Variants in ZNF438 observed in about 807,000 individuals in gnomAD.
The protein encoded by ZNF438 is zinc finger protein 438.
A neutral mutation model predicts 38.0 loss-of-function variants in ZNF438; 25 were observed. The observed-to-expected ratio is 0.66, with a 90% CI of 0.48 to 0.92. The LOEUF is 0.92. Ranked by LOEUF, ZNF438 falls within the 40% of genes least tolerant of loss-of-function variation. ZNF438 has a pLI of 0.00. For synonymous variants in ZNF438, 372 were observed against 364.1 expected, an observed-to-expected ratio of 1.02 and a Z score of -0.25; for missense variants, 1,007 against 999.6, an observed-to-expected ratio of 1.01 and a Z score of -0.10.
intron 1 of ZNF438, among the ~76,000 whole-genome samples, chr10:31,030,533 T>C (rs1380337694): frequency 6.6e-6 from 1 of 152,204 alleles, no homozygotes; most frequent in Non-Finnish European, 1.5e-5. Context: ...AGATAAACCA[T>C]CGGCTCTCAT....
At chr10:30,989,223 A>G (rs931563233) in intron 1 of ZNF438, among the ~76,000 whole-genome samples, 3 of 152,160 alleles carry the variant, frequency 2.0e-5, no homozygotes, top group Admixed American at 6.5e-5. Context: ...AATAAACTCT[A>G]TATCTTTCTC....
intron 4 of ZNF438, among the ~76,000 whole-genome samples, chr10:30,858,848 G>A (rs909804081): frequency 6.6e-5 from 10 of 152,114 alleles, no homozygotes; most frequent in African/African-American, 2.4e-4. Flanking sequence ...GACATGCAGG[G>A]CAACTTCCAC....
chr10:31,032,305 A>G (rs2057340261), upstream of ZNF438, among the ~76,000 whole-genome samples: 1 of 152,064 alleles, frequency 6.6e-6, no homozygotes, highest in African/African-American at 2.4e-5. Flanking sequence ...GGAAACAGCC[A>G]TTTGCTCTCC....
intron 1 of ZNF438, among the ~76,000 whole-genome samples, chr10:30,972,213 C>T (rs1248735025): frequency 6.6e-6 from 1 of 152,198 alleles, no homozygotes; most frequent in Non-Finnish European, 1.5e-5. Flanking sequence ...TCGTGATCCA[C>T]CTGCCTCGGC....
intron 1 of ZNF438, among the ~76,000 whole-genome samples, chr10:30,980,053 T>C (rs1278202483): frequency 6.6e-6 from 1 of 152,102 alleles, no homozygotes; most frequent in Admixed American, 6.6e-5. Context: ...CAGGAGAAGC[T>C]AGCTGATTAC....
intron 2 of ZNF438, among the ~76,000 whole-genome samples, chr10:30,940,460 T>C (rs1311868543): frequency 1.3e-5 from 2 of 151,764 alleles, no homozygotes; most frequent in Admixed American, 6.6e-5. Flanking sequence ...GCAGAGGAAA[T>C]AGTGTCAGGG....
intron 3 of ZNF438, among the ~76,000 whole-genome samples, chr10:30,902,105 G>C (rs2042073498): frequency 6.6e-6 from 1 of 152,136 alleles, no homozygotes; most frequent in African/African-American, 2.4e-5. Context: ...AAAGAACAAA[G>C]CTTCCACAGT....
rs938816517 is a variant in ZNF438, at chr10:30,848,595, G to A, written c.1810C>T (p.Gln604Ter). The change falls in exon 5 of 6, where the codon CAG becomes TAG. Residue 604 changes from glutamine (Q) to a stop codon, truncating the protein, a stop_gained. Coordinates refer to ENST00000413025, the Ensembl canonical transcript of ZNF438. LOFTEE classifies it high-confidence loss of function. The stretch of plus-strand genomic sequence containing the variant: ...CTGTTCTTTGGTATGTCTCCTGGCT[G>A]CAGTTCACTGGGCGCAGGCTCAGTG... 2.5e-6 allele frequency: 4 copies of A among 1,613,894 alleles called. No individual in the cohort carries two copies. Among genetic ancestry groups the A allele is most frequent in the Non-Finnish European group, 3.4e-6 (4 of 1,179,752 alleles).
At chr10:30,874,093 GGT>G (rs2037934340) in intron 4 of ZNF438, among the ~76,000 whole-genome samples, 1 of 44,124 alleles carries the variant, frequency 2.3e-5, no homozygotes, top group Non-Finnish European at 4.1e-5. Flanking sequence ...ATTACGTGTG[GGT>G]GTGTGGGGGT....
intron 2 of ZNF438, among the ~76,000 whole-genome samples, chr10:30,910,962 A>G (rs2043022932): frequency 6.6e-6 from 1 of 152,270 alleles, no homozygotes; most frequent in African/African-American, 2.4e-5. Flanking sequence ...TGGTAGTTCA[A>G]GCAAATACAT....
intron 1 of ZNF438, among the ~76,000 whole-genome samples, chr10:31,015,887 G>A (rs1397048738): frequency 1.3e-5 from 2 of 152,124 alleles, no homozygotes. Flanking sequence ...GAGAGCTCTG[G>A]TATCTCTTCC....
chr10:30,991,884 C>T (rs1219602762), intron 1 of ZNF438, among the ~76,000 whole-genome samples: 1 of 152,166 alleles, frequency 6.6e-6, no homozygotes, highest in Non-Finnish European at 1.5e-5. Context: ...CACTGTCACT[C>T]GGGGGCTGAA....
intron 2 of ZNF438, among the ~76,000 whole-genome samples, chr10:30,928,106 G>T (rs923439290): frequency 4.6e-5 from 7 of 152,080 alleles, no homozygotes; most frequent in Non-Finnish European, 1.0e-4. Context: ...TTAAGTTTTA[G>T]AAGCTAATCC....
At chr10:30,897,380 T>C (rs2041476669) in intron 3 of ZNF438, among the ~76,000 whole-genome samples, 2 of 152,238 alleles carry the variant, frequency 1.3e-5, no homozygotes, top group Non-Finnish European at 2.9e-5. Context: ...GGTGAGTTTA[T>C]TAGAAAGGCA....
At chr10:30,845,003 G>A in exon 6 of ZNF438, 2 of 1,614,132 alleles carry the variant, frequency 1.2e-6, no homozygotes, top group South Asian at 1.1e-5. Context: ...CTCCCTGGTT[G>A]GAGACCGTAT....
chr10:30,866,421 T>TA (rs1031854378), intron 4 of ZNF438, among the ~76,000 whole-genome samples: 1 of 152,260 alleles, frequency 6.6e-6, no homozygotes, highest in African/African-American at 2.4e-5. Context: ...AAAGAACTTC[T>TA]AACAGTATTT....
chr10:31,004,042 A>G (rs1239804428), intron 1 of ZNF438, among the ~76,000 whole-genome samples: 1 of 152,218 alleles, frequency 6.6e-6, no homozygotes, highest in Admixed American at 6.5e-5. Flanking sequence ...ACTTCAGGCT[A>G]CATAAGTACT....
chr10:30,896,511 A>T (rs1431784179), intron 3 of ZNF438, among the ~76,000 whole-genome samples: 3 of 152,188 alleles, frequency 2.0e-5, no homozygotes, highest in Non-Finnish European at 4.4e-5. Flanking sequence ...TATAATATGA[A>T]TGAACCTTGA....
At chr10:30,987,650 T>C (rs1469228572) in intron 1 of ZNF438, among the ~76,000 whole-genome samples, 1 of 151,706 alleles carries the variant, frequency 6.6e-6, no homozygotes, top group East Asian at 1.9e-4. Context: ...AGATTAATGC[T>C]GTTATAAAAA....
Sources: gnomAD v4.1 joint callset for allele counts (sites outside exome capture counted in the v4.1 genomes callset) on GRCh38, gnomAD v4.1.1 for gene constraint, MANE v1.5 for transcripts, NCBI Gene and HGNC (gene_info 2026-07-23, HGNC 2026-07-21) for gene names.